The following PSD3 variants were observed in gnomAD, a reference collection of about 807,000 sequenced individuals.
The protein encoded by PSD3 is pleckstrin and Sec7 domain containing 3.
In PSD3, 49 loss-of-function variants were observed where a neutral mutation model predicts 105.5. The observed-to-expected ratio is 0.46, with a 90% CI of 0.37 to 0.59. The LOEUF is 0.59. Ranked by LOEUF, PSD3 falls within the 20% of genes least tolerant of loss-of-function variation. The pLI is 0.00. For synonymous variants in PSD3, 557 were observed against 457.8 expected, an observed-to-expected ratio of 1.22 and a Z score of -2.77; for missense variants, 1,561 against 1,263.8, an observed-to-expected ratio of 1.24 and a Z score of -3.57.
At chr8:18,946,520 G>A (rs1392214788) in intron 1 of PSD3, among the ~76,000 whole-genome samples, 2 of 152,122 alleles carry the variant, frequency 1.3e-5, no homozygotes, top group African/African-American at 4.8e-5. Context: ...GGTTGAGGCT[G>A]TAGTGAGCTA....
At chr8:18,683,252 T>C (rs898265606) in intron 9 of PSD3, among the ~76,000 whole-genome samples, 4 of 152,188 alleles carry the variant, frequency 2.6e-5, no homozygotes, top group African/African-American at 9.7e-5. Context: ...TCATTACATA[T>C]GCCTGGGGCT....
intron 12 of PSD3, among the ~76,000 whole-genome samples, chr8:18,595,203 T>C (rs999739377): frequency 2.2e-5 from 3 of 135,470 alleles, no homozygotes; most frequent in African/African-American, 7.9e-5. Flanking sequence ...GTAAGCCCCA[T>C]GGTAAGCAAA....
chr8:18,705,839 T>C (rs999044667), intron 9 of PSD3, among the ~76,000 whole-genome samples: 3 of 152,282 alleles, frequency 2.0e-5, no homozygotes, highest in East Asian at 1.9e-4. Context: ...GGTTGTTGTA[T>C]TGCTATATAC....
At chr8:18,805,233 C>G (rs571421120) in intron 4 of PSD3, among the ~76,000 whole-genome samples, 1 of 152,250 alleles carries the variant, frequency 6.6e-6, no homozygotes, top group Non-Finnish European at 1.5e-5. Flanking sequence ...AATTCACTCA[C>G]TTAAAAATAA....
intron 2 of PSD3, among the ~76,000 whole-genome samples, chr8:18,878,114 TA>T (rs768017504): frequency 6.6e-6 from 1 of 152,226 alleles, no homozygotes. Context: ...TCTTTTCACT[TA>T]CTTAATCTTC....
chr8:18,978,228 C>T (rs1215349213), intron 1 of PSD3, among the ~76,000 whole-genome samples: 3 of 152,238 alleles, frequency 2.0e-5, no homozygotes, highest in Admixed American at 6.5e-5. Flanking sequence ...CAACACTGCA[C>T]GTCCACACGC....
At chr8:18,973,010 C>T (rs553127363) in intron 1 of PSD3, among the ~76,000 whole-genome samples, 2 of 152,126 alleles carry the variant, frequency 1.3e-5, no homozygotes. Flanking sequence ...CGAATTTGGA[C>T]AAAAATAACA....
chr8:18,563,513 A>T (rs1801532213), intron 14 of PSD3, among the ~76,000 whole-genome samples: 1 of 149,042 alleles, frequency 6.7e-6, no homozygotes, highest in African/African-American at 2.6e-5. Flanking sequence ...GTGGTACAGA[A>T]TTTAGAATAC....
chr8:18,586,499 A>C (rs557188603), intron 12 of PSD3, among the ~76,000 whole-genome samples: 6 of 152,308 alleles, frequency 3.9e-5, no homozygotes, highest in South Asian at 4.1e-4. Context: ...ACTGATGAGC[A>C]ACTAATAATG....
At chr8:19,068,731 G>A (rs899573835) in intron 1 of PSD3, among the ~76,000 whole-genome samples, 1 of 150,440 alleles carries the variant, frequency 6.6e-6, no homozygotes, top group African/African-American at 2.5e-5. Context: ...TGCACGTTGT[G>A]CACATGTACC....
chr8:18,731,294 A>G (rs1261596529), intron 9 of PSD3, among the ~76,000 whole-genome samples: 1 of 152,166 alleles, frequency 6.6e-6, no homozygotes. Flanking sequence ...ATCACATAGC[A>G]AAACATTTAT....
At chr8:18,879,092 A>G (rs1390882288) in intron 2 of PSD3, among the ~76,000 whole-genome samples, 4 of 148,550 alleles carry the variant, frequency 2.7e-5, no homozygotes, top group African/African-American at 1.0e-4. Context: ...ACACACGCAC[A>G]CACAACTGAA....
chr8:18,600,487 G>C lies in PSD3; in HGVS notation c.2411-53C>G, dbSNP rs1006469308. On this transcript the variant is annotated intron_variant, in intron 11 of 15. Coordinates refer to ENST00000327040, the MANE Select transcript of PSD3 (RefSeq NM_015310.4). ...TTATTTGACATCAGCATTTTAGAAA[G>C]AGAATCTAAATGATCAACATGGTGA... The C allele has an allele frequency of 3.6e-6, 5 of 1,376,120 alleles. No homozygotes were observed. The African/African-American group carries it at 4.4e-5, about 12-fold the overall frequency. 85.2% of individuals were successfully genotyped at this position (1,376,120 alleles called of 1,614,324 possible). A position where few individuals can be genotyped will look rare whatever the true frequency, so the allele number is the denominator to read the frequency against.
chr8:18,676,655 A>G (rs1026814695), intron 9 of PSD3, among the ~76,000 whole-genome samples: 2 of 152,182 alleles, frequency 1.3e-5, no homozygotes, highest in African/African-American at 2.4e-5. Flanking sequence ...ATCACTCGAG[A>G]TAACTATTAC....
chr8:18,973,842 T>C (rs548871895), intron 1 of PSD3, among the ~76,000 whole-genome samples: 3 of 152,332 alleles, frequency 2.0e-5, no homozygotes, highest in Non-Finnish European at 4.4e-5. Context: ...ACTAAGGACT[T>C]ACTATGAACC....
chr8:18,555,115 C>T (rs562406154), intron 15 of PSD3, among the ~76,000 whole-genome samples: 1 of 152,018 alleles, frequency 6.6e-6, no homozygotes, highest in Admixed American at 6.6e-5. Context: ...AGAGGAATGC[C>T]GTCATCTGGG....
intron 1 of PSD3, among the ~76,000 whole-genome samples, chr8:18,990,379 G>A (rs1319720231): frequency 6.6e-6 from 1 of 151,970 alleles, no homozygotes; most frequent in Non-Finnish European, 1.5e-5. Context: ...TGGCTCCGCC[G>A]CCTGGCCTTC....
At chr8:18,666,314 G>A (rs566572752) in intron 9 of PSD3, among the ~76,000 whole-genome samples, 29 of 152,362 alleles carry the variant, frequency 1.9e-4, no homozygotes, top group African/African-American at 7.0e-4. Context: ...GCATCCCAAA[G>A]TTCTGTGATT....
chr8:18,949,006 G>T (rs990869291), intron 1 of PSD3, among the ~76,000 whole-genome samples: 3 of 151,034 alleles, frequency 2.0e-5, no homozygotes, highest in Non-Finnish European at 4.4e-5. Flanking sequence ...GCAAAAGATT[G>T]CTCTTGATTA....
Sources: gnomAD v4.1 joint callset for allele counts (sites outside exome capture counted in the v4.1 genomes callset) on GRCh38, gnomAD v4.1.1 for gene constraint, MANE v1.5 for transcripts, NCBI Gene and HGNC (gene_info 2026-07-23, HGNC 2026-07-21) for gene names.